PAX5: variants seen among roughly 807,000 people sequenced by gnomAD.
The protein encoded by PAX5 is paired box protein Pax-5.
A neutral mutation model predicts 43.7 loss-of-function variants in PAX5; 9 were observed. That is an observed-to-expected ratio of 0.21 (90% CI 0.12 to 0.36). PAX5 has a LOEUF of 0.36. Among genes scored for constraint, PAX5 ranks in the 10% least tolerant of loss-of-function variants. PAX5 has a pLI of 1.00. For synonymous variants in PAX5, 228 were observed against 214.3 expected, an observed-to-expected ratio of 1.06 and a Z score of -0.56; for missense variants, 383 against 532.7, an observed-to-expected ratio of 0.72 and a Z score of 2.77.
At position 36,833,269 on chromosome 9, in the gene PAX5, T is replaced by C. The variant is rs1289096180; in HGVS notation, c.*7291A>G. On this transcript the variant is annotated 3_prime_UTR_variant, in exon 10 of 10. Transcript: ENST00000358127. ...AGTAAAAACAAACAAGATCAAATTC[T>C]TTTTCTGAACTTAAAAAATTACTTT... is the stretch of plus-strand genomic sequence containing the variant. The C allele has an allele frequency of 8.7e-6, 2 of 229,354 alleles. No homozygotes were observed. Among genetic ancestry groups the C allele is most frequent in the Non-Finnish European group, 1.7e-5 (2 of 115,744 alleles). 14.2% of individuals were successfully genotyped at this position (229,354 alleles called of 1,614,324 possible).
intron 8 of PAX5, among the ~76,000 whole-genome samples, chr9:36,864,036 G>A (rs181144205): frequency 1.1e-4 from 16 of 152,318 alleles, no homozygotes; most frequent in East Asian, 1.9e-4. Flanking sequence ...TTGAACCCAC[G>A]AGGCAGAGGT....
chr9:37,029,947 A>G (rs768012722), intron 1 of PAX5, among the ~76,000 whole-genome samples: 1 of 152,266 alleles, frequency 6.6e-6, no homozygotes, highest in Non-Finnish European at 1.5e-5. Context: ...GCCTCTCCAG[A>G]GCCGCTCTCG....
intron 3 of PAX5, among the ~76,000 whole-genome samples, chr9:37,013,537 C>T (rs1556135): frequency 0.87 from 132,435 of 152,134 alleles, 59,092 homozygotes; most frequent in Non-Finnish European, 0.97. Flanking sequence ...GTGGAAATCC[C>T]GCAAAGAGCC....
intron 7 of PAX5, among the ~76,000 whole-genome samples, chr9:36,892,473 T>C (rs568762887): frequency 3.3e-5 from 5 of 152,356 alleles, no homozygotes; most frequent in East Asian, 3.9e-4. Context: ...CTCCAGGAGA[T>C]ATCATCAAGC....
At chr9:36,993,879 C>T (rs1837144890) in intron 5 of PAX5, among the ~76,000 whole-genome samples, 1 of 152,198 alleles carries the variant, frequency 6.6e-6, no homozygotes, top group Non-Finnish European at 1.5e-5. Context: ...TGCCCTCTCC[C>T]ATACCCCCAG....
At chr9:36,995,820 C>G (rs773623937) in intron 5 of PAX5, among the ~76,000 whole-genome samples, 1 of 152,132 alleles carries the variant, frequency 6.6e-6, no homozygotes, top group Non-Finnish European at 1.5e-5. Context: ...AGACGCCCAG[C>G]CCTCCCAGGC....
intron 6 of PAX5, 135 bp from the exon 7 acceptor site, chr9:36,923,619 A>G: frequency 1.0e-6 from 1 of 952,942 alleles, no homozygotes; most frequent in Non-Finnish European, 1.5e-6. Context: ...GGGCTCATGA[A>G]CACTTCCAGT....
At chr9:37,025,383 G>T (rs908276835) in intron 1 of PAX5, among the ~76,000 whole-genome samples, 1 of 149,438 alleles carries the variant, frequency 6.7e-6, no homozygotes, top group Admixed American at 6.6e-5. Flanking sequence ...TTAAATAGGG[G>T]ACCTGCGGCT....
At chr9:36,899,500 T>C (rs1828176526) in intron 7 of PAX5, among the ~76,000 whole-genome samples, 1 of 152,202 alleles carries the variant, frequency 6.6e-6, no homozygotes, top group Non-Finnish European at 1.5e-5. Flanking sequence ...GAGCCCAGCC[T>C]GCGCTCAGTG....
At chr9:36,859,830 C>T (rs763662494) in intron 8 of PAX5, among the ~76,000 whole-genome samples, 4 of 152,214 alleles carry the variant, frequency 2.6e-5, no homozygotes, top group South Asian at 4.2e-4. Context: ...GTCAGGAGAT[C>T]GAGACCATCC....
intron 3 of PAX5, among the ~76,000 whole-genome samples, chr9:37,008,727 T>C (rs1167700361): frequency 6.6e-6 from 1 of 152,176 alleles, no homozygotes; most frequent in Non-Finnish European, 1.5e-5. Context: ...AGCTTAAGTG[T>C]TCCCTCAAAT....
At chr9:36,854,659 T>C (rs1344414362) in intron 8 of PAX5, among the ~76,000 whole-genome samples, 1 of 151,962 alleles carries the variant, frequency 6.6e-6, no homozygotes, top group Non-Finnish European at 1.5e-5. Context: ...ACCGTTCCTC[T>C]CTCCACAGCA....
At chr9:36,928,952 A>G (rs543283986) in intron 6 of PAX5, among the ~76,000 whole-genome samples, 2 of 152,348 alleles carry the variant, frequency 1.3e-5, no homozygotes, top group South Asian at 4.1e-4. Context: ...TGACTAAACA[A>G]CAAGAACACT....
chr9:36,903,806 C>G (rs1828595343), intron 7 of PAX5, among the ~76,000 whole-genome samples: 1 of 152,208 alleles, frequency 6.6e-6, no homozygotes, highest in South Asian at 2.1e-4. Context: ...GAAGCCCCAT[C>G]AGTCCCGGCC....
chr9:37,026,557 G>T (rs1241435978), intron 1 of PAX5: 1 of 1,337,744 alleles, frequency 7.5e-7, no homozygotes, highest in African/African-American at 1.5e-5. Context: ...AACGGGTCGT[G>T]CTTACAGTGT....
At chr9:37,026,717 C>T (rs1840418425) in intron 1 of PAX5, 1 of 1,276,190 alleles carries the variant, frequency 7.8e-7, no homozygotes. Context: ...TTCGGGGTCT[C>T]TCTCAGAGCC....
At position 36,835,246 on chromosome 9, in the gene PAX5, G is replaced by A. The variant is rs889560218; in HGVS notation, c.*5314C>T. 4.3e-5 allele frequency: 10 copies of A among 233,058 alleles called. No individual in the cohort carries two copies. Among genetic ancestry groups the A allele is most frequent in the African/African-American group, 2.2e-4 (10 of 45,344 alleles). 14.4% of individuals were successfully genotyped at this position (233,058 alleles called of 1,614,324 possible). On this transcript the variant is annotated 3_prime_UTR_variant, in exon 10 of 10. Transcript: ENST00000358127. ...CCCCTTGGATTGAAACTCTAGAATG[G>A]CAGTGACATGATTCTGAGGTTCCCT...
intron 1 of PAX5, among the ~76,000 whole-genome samples, chr9:37,030,059 T>A (rs1261993294): frequency 6.6e-6 from 1 of 152,020 alleles, no homozygotes; most frequent in African/African-American, 2.4e-5. Flanking sequence ...TTGCATAGAA[T>A]CCCCGGGGCA....
At chr9:36,920,436 A>G (rs1830075720) in intron 7 of PAX5, among the ~76,000 whole-genome samples, 1 of 152,222 alleles carries the variant, frequency 6.6e-6, no homozygotes, top group South Asian at 2.1e-4. Context: ...AGCCATCAAC[A>G]TCGAGGCAAG....
Sources: gnomAD v4.1 joint callset for allele counts (sites outside exome capture counted in the v4.1 genomes callset) on GRCh38, gnomAD v4.1.1 for gene constraint, MANE v1.5 for transcripts, NCBI Gene and HGNC (gene_info 2026-07-23, HGNC 2026-07-21) for gene names.